PCLO: variants seen among roughly 807,000 people sequenced by gnomAD.
PCLO encodes protein piccolo.
A neutral mutation model predicts 427.5 loss-of-function variants in PCLO; 82 were observed. The ratio of observed to expected loss-of-function variants is 0.19; its 90% CI spans 0.16 to 0.23. The LOEUF (loss-of-function observed/expected upper bound fraction) is 0.23. Ranked by LOEUF, PCLO falls within the 10% of genes least tolerant of loss-of-function variation. The probability of loss-of-function intolerance (pLI) is 1.00; values close to 1 mark genes in which losing one functional copy is unlikely to be tolerated. For synonymous variants in PCLO, 2,357 were observed against 2,155.4 expected, an observed-to-expected ratio of 1.09 and a Z score of -2.59; for missense variants, 6,239 against 6,115.9, an observed-to-expected ratio of 1.02 and a Z score of -0.67.
intron 20 of PCLO, among the ~76,000 whole-genome samples, chr7:82,811,814 A>C (rs1232131698): frequency 6.6e-6 from 1 of 151,664 alleles, no homozygotes; most frequent in African/African-American, 2.4e-5. Flanking sequence ...AAACTCTGAT[A>C]TCTCTATCAG....
chr7:82,956,701 A>G lies in PCLO; in HGVS notation c.4252T>C (p.Ser1418Pro). ...GTACTTGCTTGAGCTTCCAAAATAG[A>G]TAGGACTGTACTTTCTAACTTAGCC... is the stretch of plus-strand genomic sequence containing the variant. The part of the protein sequence containing the change: ...DLAKLESTVL[S>P]ILEAQASTLA... The change falls in exon 5 of 25, where the codon TCT becomes CCT. Residue 1418 changes from serine (S) to proline (P), a missense_variant. Coordinates refer to ENST00000333891, the MANE Select transcript of PCLO (RefSeq NM_033026.6). 1 of 1,613,718 alleles carries G rather than the reference A, an allele frequency of 6.2e-7. No individual in the cohort carries two copies.
chr7:82,899,155 C>T (rs933426196), intron 9 of PCLO, among the ~76,000 whole-genome samples: 2 of 151,206 alleles, frequency 1.3e-5, no homozygotes, highest in South Asian at 2.1e-4. Flanking sequence ...TAAACACATA[C>T]CATTTTATCA....
In PCLO at chr7:83,156,300, C is replaced by T. The variant is rs748297573; in HGVS notation, c.341G>A (p.Arg114Lys). 1 of 1,613,078 alleles carries T rather than the reference C, an allele frequency of 6.2e-7. No individual in the cohort carries two copies. The highest frequency in any genetic ancestry group is 1.7e-5 in the Admixed American group (1 of 59,916). The change falls in exon 2 of 25, where the codon AGA becomes AAA. Residue 114 changes from arginine to lysine, a missense_variant. Around this residue, in one of 5 missense-constraint regions of PCLO, gnomAD observed 4,677 missense variants for 4,468.4 expected, o/e 1.05. Transcript: ENST00000333891. ...RPAQPGLSKSRTTDTFRSEQK... is the reference protein window; with the variant it reads ...RPAQPGLSKSKTTDTFRSEQK... ...CTCTGACCTGAAAGTGTCTGTAGTT[C>T]TACTTTTACTGAGACCAGGTTGAGC...
At chr7:83,084,123 A>T (rs192151089) in intron 3 of PCLO, among the ~76,000 whole-genome samples, 6 of 152,220 alleles carry the variant, frequency 3.9e-5, no homozygotes, top group African/African-American at 1.4e-4. Context: ...GCAATTCTAG[A>T]CCATCTATCA....
At chr7:83,136,740 A>G (rs1791739664) in intron 2 of PCLO, among the ~76,000 whole-genome samples, 1 of 152,166 alleles carries the variant, frequency 6.6e-6, no homozygotes, top group Non-Finnish European at 1.5e-5. Context: ...TGATATATAC[A>G]TGTACATGTA....
At chr7:83,126,796 A>T (rs1456082111) in intron 3 of PCLO, among the ~76,000 whole-genome samples, 1 of 152,100 alleles carries the variant, frequency 6.6e-6, no homozygotes, top group Non-Finnish European at 1.5e-5. Flanking sequence ...GTTGATAAAA[A>T]CTTATATGAT....
At chr7:82,811,909 A>G (rs1791579803) in intron 20 of PCLO, among the ~76,000 whole-genome samples, 1 of 151,442 alleles carries the variant, frequency 6.6e-6, no homozygotes, top group African/African-American at 2.4e-5. Flanking sequence ...TTAGATGACT[A>G]TTAGTCATTA....
intron 20 of PCLO, among the ~76,000 whole-genome samples, chr7:82,818,187 C>T (rs530116102): frequency 3.3e-5 from 5 of 152,182 alleles, no homozygotes; most frequent in Admixed American, 6.6e-5. Flanking sequence ...TAATCTTTCC[C>T]GTCAGGTGTT....
At chr7:82,996,516 C>G (rs1040471137) in intron 3 of PCLO, among the ~76,000 whole-genome samples, 1 of 151,910 alleles carries the variant, frequency 6.6e-6, no homozygotes, top group African/African-American at 2.4e-5. Flanking sequence ...ACACTGCCGT[C>G]CAAACAATCT....
chr7:82,937,137 G>T (rs904531307), intron 6 of PCLO, among the ~76,000 whole-genome samples: 3 of 151,616 alleles, frequency 2.0e-5, no homozygotes, highest in Admixed American at 2.0e-4. Flanking sequence ...TTTTTAAATG[G>T]TTAATTTTAT....
At chr7:82,871,744 T>TA (rs1010600666) in intron 10 of PCLO, among the ~76,000 whole-genome samples, 4 of 151,220 alleles carry the variant, frequency 2.6e-5, no homozygotes, top group Non-Finnish European at 4.4e-5. Context: ...TATGTGCCAA[T>TA]AAAAAAAATG....
rs1161919522 is a variant in PCLO at position 82,958,115 on chromosome 7, C to T, written c.4018-1180G>A. Among the ~76,000 whole-genome samples, 2 of 152,136 alleles carry T rather than the reference C, an allele frequency of 1.3e-5. 1 individual carries two copies. Among genetic ancestry groups the T allele is most frequent in the South Asian group, 4.1e-4 (2 of 4,822 alleles). On this transcript the variant is annotated intron_variant, in intron 4 of 24. Coordinates refer to ENST00000333891, the MANE Select transcript of PCLO (RefSeq NM_033026.6). ...AAAGGAGGGGTTAGGGGAACAGCTG[C>T]CTAAGAGCATGCTATAGCTCATTCT...
chr7:82,972,167 T>C (rs1228586347), intron 3 of PCLO, among the ~76,000 whole-genome samples: 5 of 151,958 alleles, frequency 3.3e-5, no homozygotes, highest in African/African-American at 1.2e-4. Context: ...AATTGTCAGC[T>C]AGTACATGTT....
In PCLO at chr7:82,760,903, C is replaced by T. The variant is rs1199671394; in HGVS notation, c.15143-119G>A. 64 of 270,392 alleles carry T rather than the reference C, an allele frequency of 2.4e-4. No individual in the cohort carries two copies. In the East Asian group the frequency reaches 3.3e-3, roughly 14 times the overall value. The allele number at this position is 270,392 out of a possible 1,614,324, so 16.7% of individuals were successfully genotyped here. On this transcript the variant is annotated intron_variant, in intron 23 of 24. Transcript: ENST00000333891. ...TTGCACAAAGCCAGCAGATTGTAAACGATTTGTTTCAGATAACATAAAATG... is the reference window on the plus strand; with the variant it reads ...TTGCACAAAGCCAGCAGATTGTAAATGATTTGTTTCAGATAACATAAAATG...
In PCLO at chr7:83,121,849, A is replaced by G. The variant is rs548334017; in HGVS notation, c.3300+12401T>C. Among the ~76,000 whole-genome samples the G allele has an allele frequency of 2.9e-5, 4 of 136,380 alleles. No homozygotes were observed. In the East Asian group the frequency reaches 8.4e-4, roughly 29 times the overall value. 89.5% of individuals were successfully genotyped at this position (136,380 alleles called of 152,430 possible). On this transcript the variant is annotated intron_variant, in intron 3 of 24. Transcript: ENST00000333891. ...GCCCTGACACCAAAACCAAAGACAC[A>G]ACAACAAAATAAAACTATAGCCTAA...
intron 3 of PCLO, among the ~76,000 whole-genome samples, chr7:83,061,609 G>T (rs886194041): frequency 6.6e-6 from 1 of 152,146 alleles, no homozygotes; most frequent in East Asian, 1.9e-4. Context: ...AAGTGGACTG[G>T]TTAACTACTT....
intron 10 of PCLO, among the ~76,000 whole-genome samples, chr7:82,863,982 A>C (rs1668369240): frequency 2.0e-5 from 3 of 152,076 alleles, no homozygotes; most frequent in Admixed American, 1.3e-4. Flanking sequence ...TAAAATAGAT[A>C]GGGTAAGCAA....
At chr7:83,102,090 G>A (rs1420037731) in intron 3 of PCLO, among the ~76,000 whole-genome samples, 1 of 150,934 alleles carries the variant, frequency 6.6e-6, no homozygotes, top group Non-Finnish European at 1.5e-5. Context: ...TTTTCAGCAT[G>A]GGCAAGAATA....
At chr7:82,798,946 A>AG (rs1455951557) in intron 22 of PCLO, among the ~76,000 whole-genome samples, 2 of 152,102 alleles carry the variant, frequency 1.3e-5, no homozygotes, top group African/African-American at 4.8e-5. Context: ...AGTTCGCTAA[A>AG]GGGGAAACAT....
Sources: gnomAD v4.1 joint callset for allele counts (sites outside exome capture counted in the v4.1 genomes callset) on GRCh38, gnomAD v4.1.1 for gene constraint, gnomAD v4.1.1 regional missense constraint, MANE v1.5 for transcripts, NCBI Gene and HGNC (gene_info 2026-07-23, HGNC 2026-07-21) for gene names.